The following KALRN variants were observed in gnomAD, a reference collection of about 807,000 sequenced individuals.
KALRN encodes the protein kalirin.
A neutral mutation model predicts 353.7 loss-of-function variants in KALRN; 70 were observed. That is an observed-to-expected ratio of 0.20 (90% CI 0.16 to 0.24). KALRN has a LOEUF of 0.24. Among genes scored for constraint, KALRN ranks in the 10% least tolerant of loss-of-function variants. KALRN has a pLI of 1.00. For missense variants in KALRN, 2,791 were observed against 3,756.7 expected, an observed-to-expected ratio of 0.74 and a Z score of 6.72; for synonymous variants, 1,391 against 1,434.8, an observed-to-expected ratio of 0.97 and a Z score of 0.69.
At chr3:124,507,674 A>G (rs1045289690) in intron 33 of KALRN, among the ~76,000 whole-genome samples, 2 of 152,206 alleles carry the variant, frequency 1.3e-5, no homozygotes, top group African/African-American at 4.8e-5. Flanking sequence ...AATATGTGAC[A>G]GTATGTGATG....
intron 21 of KALRN, among the ~76,000 whole-genome samples, chr3:124,452,933 A>G (rs1022324919): frequency 6.6e-6 from 1 of 152,224 alleles, no homozygotes; most frequent in Non-Finnish European, 1.5e-5. Context: ...CTTTACCAAG[A>G]GCAGAGAATA....
At chr3:124,338,768 T>G (rs1376008995) in intron 9 of KALRN, among the ~76,000 whole-genome samples, 1 of 151,934 alleles carries the variant, frequency 6.6e-6, no homozygotes, top group Non-Finnish European at 1.5e-5. Context: ...TGTGTGGGAG[T>G]CTCTCTTTGT....
intron 1 of KALRN, among the ~76,000 whole-genome samples, chr3:124,194,768 A>C (rs1186886932): frequency 6.6e-6 from 1 of 152,114 alleles, no homozygotes; most frequent in African/African-American, 2.4e-5. Context: ...TATGCCAGGT[A>C]CTGCCAGAGC....
chr3:124,433,915 CAGT>C (rs944025476), intron 16 of KALRN, among the ~76,000 whole-genome samples: 1 of 152,134 alleles, frequency 6.6e-6, no homozygotes, highest in African/African-American at 2.4e-5. Flanking sequence ...AATGGGACTG[CAGT>C]AGTAACCTCC....
chr3:124,634,853 G>A (rs181121505), intron 36 of KALRN, among the ~76,000 whole-genome samples: 84 of 152,280 alleles, frequency 5.5e-4, no homozygotes, highest in Admixed American at 1.6e-3. Context: ...TTGTCTACCT[G>A]TCCCTCCAGG....
At chr3:124,602,255 T>C (rs554192281) in intron 34 of KALRN, among the ~76,000 whole-genome samples, 2 of 152,280 alleles carry the variant, frequency 1.3e-5, no homozygotes, top group East Asian at 3.9e-4. Context: ...GTCCCCCAAA[T>C]TGACTTTCCT....
chr3:124,474,610 TG>T (rs945029043), intron 25 of KALRN, 52 bp from the exon 26 acceptor site: 1 of 1,437,386 alleles, frequency 7.0e-7, no homozygotes, highest in Non-Finnish European at 9.8e-7. Context: ...TGCAATCCTC[TG>T]GGGGGTCAGC....
intron 8 of KALRN, among the ~76,000 whole-genome samples, chr3:124,332,811 G>A (rs138643826): frequency 1.1e-3 from 160 of 152,206 alleles, no homozygotes; most frequent in African/African-American, 2.9e-3. Flanking sequence ...GAAAGGGCTC[G>A]TATAGAGCGA....
At chr3:124,350,037 G>A (rs562715750) in intron 10 of KALRN, among the ~76,000 whole-genome samples, 8 of 152,258 alleles carry the variant, frequency 5.3e-5, no homozygotes, top group East Asian at 3.9e-4. Context: ...TAGAAAGGAC[G>A]TCCCCAAAGC....
intron 10 of KALRN, among the ~76,000 whole-genome samples, chr3:124,354,057 T>C (rs1225062632): frequency 6.6e-6 from 1 of 152,196 alleles, no homozygotes. Context: ...TATGTGGATA[T>C]GATGTAGAAA....
chr3:124,663,739 T>A (rs1419476060), intron 45 of KALRN, among the ~76,000 whole-genome samples: 1 of 151,886 alleles, frequency 6.6e-6, no homozygotes, highest in Non-Finnish European at 1.5e-5. Context: ...AATGGCTTGT[T>A]TTTTGTTTTT....
At chr3:124,566,039 C>A (rs956559426) in intron 34 of KALRN, among the ~76,000 whole-genome samples, 3 of 152,138 alleles carry the variant, frequency 2.0e-5, no homozygotes, top group Non-Finnish European at 2.9e-5. Context: ...CTTAAAGGTA[C>A]CAGCAGTGCC....
intron 13 of KALRN, among the ~76,000 whole-genome samples, chr3:124,412,606 A>G (rs1486291512): frequency 6.6e-6 from 1 of 152,248 alleles, no homozygotes; most frequent in Non-Finnish European, 1.5e-5. Context: ...CGATTTGCAG[A>G]AAACTGAGAG....
chr3:124,496,195 C>T, intron 32 of KALRN, 116 bp from the exon 33 acceptor site: 1 of 700,952 alleles, frequency 1.4e-6, no homozygotes, highest in Admixed American at 2.2e-5. Flanking sequence ...AGACAAATCC[C>T]TGCTAGAAAG....
At chr3:124,129,550 A>T (rs1294106683) in intron 1 of KALRN, among the ~76,000 whole-genome samples, 2 of 152,188 alleles carry the variant, frequency 1.3e-5, no homozygotes, top group Non-Finnish European at 2.9e-5. Flanking sequence ...GTGGGATGTG[A>T]TGCTCTACTT....
At chr3:124,417,164 G>C (rs1214511687) in intron 14 of KALRN, among the ~76,000 whole-genome samples, 1 of 152,216 alleles carries the variant, frequency 6.6e-6, no homozygotes, top group African/African-American at 2.4e-5. Flanking sequence ...GGAGATGGTA[G>C]GTTTTGCTGA....
At chr3:124,555,438 TAAATAAA>T (rs2071114677) in intron 33 of KALRN, among the ~76,000 whole-genome samples, 1 of 150,376 alleles carries the variant, frequency 6.6e-6, no homozygotes, top group Admixed American at 6.6e-5. Flanking sequence ...AATAAATAAA[TAAATAAA>T]TAAATAAATA....
At chr3:124,531,261 G>A (rs1424968421) in intron 33 of KALRN, among the ~76,000 whole-genome samples, 8 of 152,194 alleles carry the variant, frequency 5.3e-5, no homozygotes, top group Non-Finnish European at 1.2e-4. Flanking sequence ...GTGTCAGAAT[G>A]ACTACCTTAG....
At chr3:124,420,822 A>T (rs1453637001) in intron 14 of KALRN, among the ~76,000 whole-genome samples, 2 of 152,154 alleles carry the variant, frequency 1.3e-5, no homozygotes, top group African/African-American at 4.8e-5. Flanking sequence ...CTTTCCTTAT[A>T]CTTCCCCAAC....
Sources: gnomAD v4.1 joint callset for allele counts (sites outside exome capture counted in the v4.1 genomes callset) on GRCh38, gnomAD v4.1.1 for gene constraint, MANE v1.5 for transcripts, NCBI Gene and HGNC (gene_info 2026-07-23, HGNC 2026-07-21) for gene names.